MAP3K5: variants seen among roughly 807,000 people sequenced by gnomAD.
MAP3K5 encodes the protein ASK-1.
MAP3K5 carries 56 observed loss-of-function variants against 158.7 expected under a neutral mutation model. The observed-to-expected ratio is 0.35, with a 90% CI of 0.28 to 0.44. The LOEUF is 0.44. MAP3K5 is among the 20% of genes least tolerant of loss of function. The pLI, the probability that MAP3K5 is intolerant of heterozygous loss-of-function variation, is 1.00. For synonymous variants in MAP3K5, 579 were observed against 601.7 expected (o/e 0.96, Z 0.55); for missense variants, 1,294 against 1,674.8 (o/e 0.77, Z 3.97).
chr6:136,598,795 A>C (rs114269012), intron 21 of MAP3K5, among the ~76,000 whole-genome samples: 1 of 152,106 alleles, frequency 6.6e-6, no homozygotes, highest in African/African-American at 2.4e-5. Flanking sequence ...TCTTGTACTC[A>C]TCTAGAAGGA....
chr6:136,777,867 A>G (rs1582687880), intron 1 of MAP3K5, among the ~76,000 whole-genome samples: 1 of 88,996 alleles, frequency 1.1e-5, no homozygotes, highest in African/African-American at 4.3e-5. Context: ...AGAACCACAC[A>G]CTCCACATCA....
chr6:136,757,662 A>G (rs1176865897), intron 1 of MAP3K5, among the ~76,000 whole-genome samples: 1 of 143,994 alleles, frequency 6.9e-6, no homozygotes, highest in African/African-American at 2.6e-5. Flanking sequence ...ATCTTGGCTC[A>G]CTGCAACCTC....
intron 2 of MAP3K5, among the ~76,000 whole-genome samples, chr6:136,716,035 A>AAAAAAAAAAAAAAAAC (rs1781510365): frequency 1.1e-5 from 1 of 90,056 alleles, no homozygotes; most frequent in East Asian, 2.4e-4. Context: ...CTCAAAAAAA[A>AAAAAAAAAAAAAAAAC]AAAAAAAAAA....
intron 15 of MAP3K5, among the ~76,000 whole-genome samples, chr6:136,619,843 G>A (rs1436523324): frequency 1.3e-5 from 2 of 152,234 alleles, no homozygotes; most frequent in African/African-American, 2.4e-5. Context: ...CTTACTGATG[G>A]AGTAGATGTG....
chr6:136,773,216 C>T (rs948805396), intron 1 of MAP3K5, among the ~76,000 whole-genome samples: 1 of 152,200 alleles, frequency 6.6e-6, no homozygotes, highest in Non-Finnish European at 1.5e-5. Context: ...CTCATCCCAT[C>T]TGAGGCATGA....
chr6:136,755,640 G>A (rs920183060), intron 1 of MAP3K5, among the ~76,000 whole-genome samples: 3 of 144,812 alleles, frequency 2.1e-5, no homozygotes, highest in Non-Finnish European at 3.0e-5. Flanking sequence ...AGTGAGCCAT[G>A]ATCTTGCTAC....
At chr6:136,639,450 T>A (rs1410659214) in intron 13 of MAP3K5, 93 bp downstream of exon 13, 1 of 645,170 alleles carries the variant, frequency 1.5e-6, no homozygotes, top group African/African-American at 1.9e-5. Flanking sequence ...CACATAGCCA[T>A]GCATTCTTCA....
At chr6:136,747,890 A>G (rs1783029944) in intron 1 of MAP3K5, among the ~76,000 whole-genome samples, 1 of 152,234 alleles carries the variant, frequency 6.6e-6, no homozygotes, top group Admixed American at 6.5e-5. Flanking sequence ...GTAAAAAGGA[A>G]TGCTTTCAGC....
intron 1 of MAP3K5, among the ~76,000 whole-genome samples, chr6:136,723,240 T>C (rs1562645935): frequency 6.6e-6 from 1 of 151,868 alleles, no homozygotes; most frequent in African/African-American, 2.4e-5. Flanking sequence ...TTTCAAATAA[T>C]GGGATATCAT....
chr6:136,695,993 G>T lies in MAP3K5; in HGVS notation c.1040C>A (p.Ser347Tyr). 1 of 1,613,808 alleles carries T rather than the reference G, an allele frequency of 6.2e-7. No homozygotes were observed. Residue 347 changes from serine to tyrosine, a missense_variant, in exon 6 of 30, where the codon TCC (serine) becomes TAC (tyrosine). Physicochemically the swap from Ser to Tyr is moderately radical, Grantham distance 144. Around this residue, in one of 5 missense-constraint regions of MAP3K5, gnomAD observed 690 missense variants for 870.5 expected, o/e 0.79. Transcript: ENST00000359015. ...LEKLPTFDLASHHHVKFHYAF... is the reference protein window; with the variant it reads ...LEKLPTFDLAYHHHVKFHYAF... ...ATAATGAAACTTCACATGGTGATGG[G>T]AGGCCAAATCAAAGGTTGGCAGTTT...
intron 1 of MAP3K5, among the ~76,000 whole-genome samples, chr6:136,754,922 C>T (rs1025678654): frequency 3.9e-5 from 6 of 152,230 alleles, no homozygotes; most frequent in Non-Finnish European, 5.9e-5. Context: ...ATTCTATTCA[C>T]GCAGTTGCCC....
chr6:136,566,422 C>T (rs957410399), intron 26 of MAP3K5, among the ~76,000 whole-genome samples: 7 of 122,566 alleles, frequency 5.7e-5, no homozygotes, highest in African/African-American at 1.6e-4. Flanking sequence ...CAAAAAACAC[C>T]ACCACTCAGG....
At chr6:136,574,863 G>C (rs1384373201) in intron 25 of MAP3K5, among the ~76,000 whole-genome samples, 2 of 151,660 alleles carry the variant, frequency 1.3e-5, no homozygotes, top group African/African-American at 4.8e-5. Context: ...CTAATTTTTT[G>C]TATCTTTAGT....
intron 1 of MAP3K5, among the ~76,000 whole-genome samples, chr6:136,770,128 A>C (rs531562337): frequency 6.6e-6 from 1 of 151,918 alleles, no homozygotes; most frequent in Non-Finnish European, 1.5e-5. Flanking sequence ...TTTTATTTTT[A>C]TTTATTTTTA....
At chr6:136,593,410 T>C (rs542769708) in intron 21 of MAP3K5, among the ~76,000 whole-genome samples, 5 of 152,286 alleles carry the variant, frequency 3.3e-5, no homozygotes, top group Non-Finnish European at 5.9e-5. Context: ...GAGGATCTCA[T>C]AGGAAGTTTT....
chr6:136,745,956 C>T (rs945967954), intron 1 of MAP3K5, among the ~76,000 whole-genome samples: 2 of 152,108 alleles, frequency 1.3e-5, no homozygotes, highest in Admixed American at 6.6e-5. Context: ...ATTGATTCTG[C>T]TTATGGGATG....
intron 8 of MAP3K5, among the ~76,000 whole-genome samples, chr6:136,665,188 TTA>T (rs1300703714): frequency 6.6e-6 from 1 of 152,184 alleles, no homozygotes; most frequent in Non-Finnish European, 1.5e-5. Flanking sequence ...TTTAATACTT[TTA>T]GTTCAAATTG....
intron 26 of MAP3K5, among the ~76,000 whole-genome samples, chr6:136,567,065 G>A (rs1305913592): frequency 6.6e-6 from 1 of 152,150 alleles, no homozygotes; most frequent in Non-Finnish European, 1.5e-5. Context: ...AACATTTGCT[G>A]TTAATAATCT....
intron 1 of MAP3K5, among the ~76,000 whole-genome samples, chr6:136,727,454 G>A (rs560485063): frequency 1.3e-5 from 2 of 152,286 alleles, no homozygotes; most frequent in South Asian, 4.1e-4. Context: ...TCCAGCTCTA[G>A]AGTCCAAGCT....
Sources: gnomAD v4.1 joint callset for allele counts (sites outside exome capture counted in the v4.1 genomes callset) on GRCh38, gnomAD v4.1.1 for gene constraint, gnomAD v4.1.1 regional missense constraint, MANE v1.5 for transcripts, NCBI Gene and HGNC (gene_info 2026-07-23, HGNC 2026-07-21) for gene names.